MRPL2: variants seen among roughly 807,000 people sequenced by gnomAD.
The protein encoded by MRPL2 is large ribosomal subunit protein uL2m.
A neutral mutation model predicts 34.6 loss-of-function variants in MRPL2; 27 were observed. The observed-to-expected ratio is 0.78, with a 90% confidence interval of 0.58 to 1.08. The LOEUF (loss-of-function observed/expected upper bound fraction) is 1.08. Ranked by LOEUF, MRPL2 falls within the 50% of genes least tolerant of loss-of-function variation. The pLI, the probability that MRPL2 is intolerant of heterozygous loss-of-function variation, is 0.00. For missense variants in MRPL2, 414 were observed against 419.3 expected (o/e 0.99, Z 0.11); for synonymous variants, 155 against 158.0 (o/e 0.98, Z 0.14).
In MRPL2 at chr6:43,054,172, C is replaced by CAA. The variant is rs58180132; in HGVS notation, c.*100_*101dup. 2.8e-3 allele frequency: 2,025 copies of CAA among 712,784 alleles called. 5 individuals carry two copies. Among genetic ancestry groups the CAA allele is most frequent in the African/African-American group, 0.014 (653 of 45,206 alleles). 44.2% of individuals were successfully genotyped at this position (712,784 alleles called of 1,614,324 possible). A position where few individuals can be genotyped will look rare whatever the true frequency, so the allele number is the denominator to read the frequency against. On this transcript the variant is annotated 3_prime_UTR_variant, in exon 7 of 7. Transcript: ENST00000388752. ...TTAGTCTGTACCATCCCCTCCCCCG[C>CAA]AAAAAAAAAACAACAACAAAAAAAA... is the stretch of plus-strand genomic sequence containing the variant.
rs1764873884 is a variant in MRPL2 at position 43,056,202 on chromosome 6, CAG to C, written c.405-8_405-7del. The C allele has an allele frequency of 6.2e-7, 1 of 1,613,478 alleles. No homozygotes were observed. The highest frequency in any genetic ancestry group is 8.5e-7 in the Non-Finnish European group (1 of 1,179,490). ...CCAGAGCTATGTCTGCTGACCTAATCAGGGTGAGGGACAGGTAAGCAGACCGT... is the reference window on the plus strand; with the variant it reads ...CCAGAGCTATGTCTGCTGACCTAATCGGTGAGGGACAGGTAAGCAGACCGT... On this transcript the variant is annotated splice_region_variant and splice_polypyrimidine_tract_variant and intron_variant, in intron 3 of 6. Transcript: ENST00000388752.
chr6:43,055,844 G>C (rs1764858561), intron 5 of MRPL2, 53 bp downstream of exon 5: 1 of 1,524,976 alleles, frequency 6.6e-7, no homozygotes, highest in Admixed American at 1.9e-5. Context: ...CATGGGTTCA[G>C]ACTCTCCTTG....
rs768168610 is a variant in MRPL2 at position 43,054,265 on chromosome 6, A to G, written c.*9T>C. The stretch of plus-strand genomic sequence containing the variant: ...GGGGGGGGGGGCATTTTATTAGAGT[A>G]CAGGGATATCAGCTTTGGGCAGAAG... On this transcript the variant is annotated 3_prime_UTR_variant, in exon 7 of 7. Transcript: ENST00000388752. 4.1e-6 allele frequency: 6 copies of G among 1,477,002 alleles called. No individual in the cohort carries two copies. The South Asian group carries it at 6.0e-5, about 15-fold the overall frequency. 91.5% of individuals were successfully genotyped at this position (1,477,002 alleles called of 1,614,324 possible). A position where few individuals can be genotyped will look rare whatever the true frequency, so the allele number is the denominator to read the frequency against.
At chr6:43,057,940 G>T in intron 2 of MRPL2, 125 bp downstream of exon 2, 1 of 1,086,088 alleles carries the variant, frequency 9.2e-7, no homozygotes, top group Non-Finnish European at 1.4e-6. Flanking sequence ...TGCAAAAGGA[G>T]CCAAATAAGT....
chr6:43,056,651 T>C (rs1369802406), intron 2 of MRPL2, among the ~76,000 whole-genome samples: 1 of 152,204 alleles, frequency 6.6e-6, no homozygotes, highest in Non-Finnish European at 1.5e-5. Flanking sequence ...ATTATTGAAA[T>C]TGTATAAAAC....
intron 6 of MRPL2, 148 bp from the exon 7 acceptor site, chr6:43,054,634 G>A (rs2150343003): frequency 1.5e-6 from 1 of 656,342 alleles, no homozygotes; most frequent in Non-Finnish European, 2.6e-6. Context: ...CTAAGTGAAG[G>A]TCCTACAGTA....
intron 6 of MRPL2, 21 bp from the exon 7 acceptor site, chr6:43,054,507 AGATTCTGTACAATGGGGG>A (rs1261309088): frequency 1.9e-6 from 3 of 1,604,516 alleles, no homozygotes; most frequent in Non-Finnish European, 2.6e-6. Context: ...AAACAGATGG[AGATTCTGTACAATGGGGG>A]GGAAAGAGCT....
rs535356432 is a variant in MRPL2 at position 43,059,366 on chromosome 6, G to A, written c.16C>T (p.Leu6=). The change falls in exon 1 of 7, where the codon CTG becomes TTG. Residue 6 remains leucine, a synonymous_variant. Transcript: ENST00000388752. ...TTCAGAGAGCGCAGAGCGCGGGTCA[G>A]TGCGCACAGGGCCATCAGCACGACA... MALCA[L]TRALRSLNLA... The A allele has an allele frequency of 1.2e-5, 19 of 1,551,642 alleles. No individual in the cohort carries two copies. The African/African-American group carries it at 2.3e-4, about 19-fold the overall frequency.
upstream of MRPL2, chr6:43,059,595 G>T: frequency 3.1e-6 from 3 of 978,830 alleles, no homozygotes; most frequent in Non-Finnish European, 2.9e-6. Flanking sequence ...CGCCCCCCCA[G>T]ACCCGTCAAA....
chr6:43,055,769 A>T, intron 5 of MRPL2, 128 bp downstream of exon 5: 4 of 1,216,748 alleles, frequency 3.3e-6, no homozygotes, highest in Non-Finnish European at 4.6e-6. Flanking sequence ...GTAAAAACAC[A>T]TGCATATCTT....
At position 43,054,248 on chromosome 6, in the gene MRPL2, G is replaced by GGGC. The variant is rs1764730436; in HGVS notation, c.*23_*25dup. 1 of 1,391,558 alleles carries GGGC rather than the reference G, an allele frequency of 7.2e-7. No individual in the cohort carries two copies. Among genetic ancestry groups the GGGC allele is most frequent in the Admixed American group, 2.2e-5 (1 of 45,602 alleles). 86.2% of individuals were successfully genotyped at this position (1,391,558 alleles called of 1,614,324 possible). On this transcript the variant is annotated 3_prime_UTR_variant, in exon 7 of 7. Coordinates refer to ENST00000388752, the MANE Select transcript of MRPL2 (RefSeq NM_015950.5). ...AGTAACAGATTAAAACGGGGGGGGG[G>GGGC]GGCATTTTATTAGAGTACAGGGATA...
At chr6:43,056,585 A>T in intron 2 of MRPL2, 140 bp from the exon 3 acceptor site, 3 of 930,414 alleles carry the variant, frequency 3.2e-6, no homozygotes, top group Non-Finnish European at 4.9e-6. Context: ...TGCACAGCAC[A>T]CTGGAGTAAG....
chr6:43,058,948 A>C (rs938969451), intron 1 of MRPL2: 10 of 588,060 alleles, frequency 1.7e-5, no homozygotes, highest in Non-Finnish European at 2.9e-5. Flanking sequence ...TAAAATGGGA[A>C]TAGTAACTGC....
chr6:43,059,498 G>A, upstream of MRPL2: 2 of 1,447,578 alleles, frequency 1.4e-6, no homozygotes, highest in East Asian at 2.5e-5. Context: ...TGGAGCCCAA[G>A]CTGGATACAC....
rs1764820334 is a variant in MRPL2 at position 43,055,409 on chromosome 6, C to T, written c.705+136G>A. ...CCAATCCGACAAAGCACACCTGAGT[C>T]ATGTGGCAGAAAAGGACAGCCTCAG... is the stretch of plus-strand genomic sequence containing the variant. On this transcript the variant is annotated intron_variant, in intron 6 of 6. Transcript: ENST00000388752. 3 of 777,414 alleles carry T rather than the reference C, an allele frequency of 3.9e-6. No individual in the cohort carries two copies. In the South Asian group the frequency reaches 5.1e-5, roughly 13 times the overall value. 48.2% of individuals were successfully genotyped at this position (777,414 alleles called of 1,614,324 possible).
At chr6:43,055,492 A>G (rs1764825086) in intron 6 of MRPL2, 53 bp downstream of exon 6, 1 of 1,570,686 alleles carries the variant, frequency 6.4e-7, no homozygotes, top group Non-Finnish European at 8.7e-7. Flanking sequence ...CAGGAAAGTT[A>G]CATTCCAAAA....
At chr6:43,056,237 GC>G in intron 3 of MRPL2, 41 bp from the exon 4 acceptor site, 1 of 1,612,242 alleles carries the variant, frequency 6.2e-7, no homozygotes, top group Non-Finnish European at 8.5e-7. Context: ...CGTCTAGGCA[GC>G]CCCACATCTT....
rs766639590 is a variant in MRPL2, at chr6:43,056,072, A to T, written c.520+9T>A. On this transcript the variant is annotated intron_variant, in intron 4 of 6. Transcript: ENST00000388752. ...CCTCCAGCCCACACATCTGGTAGCCATCTCTCACCTGCCATTCGGCCTATG... is the reference window on the plus strand; with the variant it reads ...CCTCCAGCCCACACATCTGGTAGCCTTCTCTCACCTGCCATTCGGCCTATG... The T allele has an allele frequency of 1.2e-6, 2 of 1,614,158 alleles. No individual in the cohort carries two copies. Among genetic ancestry groups the T allele is most frequent in the Non-Finnish European group, 1.7e-6 (2 of 1,180,012 alleles).
chr6:43,054,526 G>A (rs1295739424), intron 6 of MRPL2, 40 bp from the exon 7 acceptor site: 1 of 1,574,320 alleles, frequency 6.4e-7, no homozygotes, highest in Admixed American at 1.7e-5. Context: ...ACAATGGGGG[G>A]GAAAGAGCTT....
Sources: gnomAD v4.1 joint callset for allele counts (sites outside exome capture counted in the v4.1 genomes callset) on GRCh38, gnomAD v4.1.1 for gene constraint, MANE v1.5 for transcripts, NCBI Gene and HGNC (gene_info 2026-07-23, HGNC 2026-07-21) for gene names.